Variants in ROR1 observed in about 807,000 individuals in gnomAD.
ROR1 encodes the protein inactive tyrosine-protein kinase transmembrane receptor ROR1.
ROR1 carries 19 observed loss-of-function variants against 78.8 expected under a neutral mutation model. The ratio of observed to expected loss-of-function variants is 0.24; its 90% CI spans 0.17 to 0.35. The LOEUF (loss-of-function observed/expected upper bound fraction) is 0.35. Among genes scored for constraint, ROR1 ranks in the 10% least tolerant of loss-of-function variants. The pLI, the probability that ROR1 is intolerant of heterozygous loss-of-function variation, is 1.00. For missense variants in ROR1, 917 were observed against 1,177.8 expected, an observed-to-expected ratio of 0.78 and a Z score of 3.24; for synonymous variants, 386 against 433.6, an observed-to-expected ratio of 0.89 and a Z score of 1.36.
At chr1:63,784,239 G>A (rs560108572) in intron 1 of ROR1, among the ~76,000 whole-genome samples, 6 of 152,110 alleles carry the variant, frequency 3.9e-5, no homozygotes, top group Non-Finnish European at 5.9e-5. Context: ...AAAGTAGGCA[G>A]GTGAGTTTGG....
chr1:63,971,005 C>T lies in ROR1; in HGVS notation c.92-38300C>T, dbSNP rs934049892. On this transcript the variant is annotated intron_variant, in intron 1 of 8. Coordinates refer to ENST00000371079, the MANE Select transcript of ROR1 (RefSeq NM_005012.4). ...CTGGCTAATAAGGCATTTGCAATTG[C>T]AGGGCTTCCTCTCACTCAGACAGTA... Among the ~76,000 whole-genome samples the T allele has an allele frequency of 6.6e-5, 10 of 152,320 alleles. No individual in the cohort carries two copies. In the East Asian group the frequency reaches 1.7e-3, roughly 26 times the overall value.
At chr1:64,170,057 G>C (rs961611741) in intron 8 of ROR1, among the ~76,000 whole-genome samples, 3 of 152,214 alleles carry the variant, frequency 2.0e-5, no homozygotes, top group Non-Finnish European at 4.4e-5. Context: ...AGTGCAAGCT[G>C]TTGGTGGGTC....
At chr1:63,807,317 T>TG (rs1644836111) in intron 1 of ROR1, among the ~76,000 whole-genome samples, 1 of 152,194 alleles carries the variant, frequency 6.6e-6, no homozygotes, top group South Asian at 2.1e-4. Flanking sequence ...GTTCAGTGCC[T>TG]GTCTCTCTGG....
intron 1 of ROR1, among the ~76,000 whole-genome samples, chr1:63,818,778 A>C (rs1315802660): frequency 1.3e-5 from 2 of 152,214 alleles, no homozygotes; most frequent in African/African-American, 2.4e-5. Flanking sequence ...TCTATGCACC[A>C]GGCATGATGC....
chr1:64,039,825 C>T (rs1646732492), intron 2 of ROR1, among the ~76,000 whole-genome samples: 1 of 152,166 alleles, frequency 6.6e-6, no homozygotes, highest in South Asian at 2.1e-4. Flanking sequence ...TACGTGGACC[C>T]ACTCATCCTG....
At chr1:64,062,208 C>A (rs1216952275) in intron 4 of ROR1, among the ~76,000 whole-genome samples, 4 of 152,144 alleles carry the variant, frequency 2.6e-5, no homozygotes, top group African/African-American at 9.7e-5. Flanking sequence ...GGGTGACTGC[C>A]TGTGTTTTGA....
At chr1:64,061,760 T>A (rs1242335552) in intron 4 of ROR1, among the ~76,000 whole-genome samples, 1 of 152,212 alleles carries the variant, frequency 6.6e-6, no homozygotes, top group African/African-American at 2.4e-5. Context: ...CAAGTTTCTT[T>A]ATTTGCAAAG....
intron 1 of ROR1, among the ~76,000 whole-genome samples, chr1:63,941,832 A>G (rs1212320611): frequency 6.6e-6 from 1 of 152,198 alleles, no homozygotes; most frequent in African/African-American, 2.4e-5. Flanking sequence ...GCTAGCCTTA[A>G]AAAGTAATAA....
chr1:63,800,239 T>C (rs1644787511), intron 1 of ROR1, among the ~76,000 whole-genome samples: 1 of 152,240 alleles, frequency 6.6e-6, no homozygotes, highest in African/African-American at 2.4e-5. Flanking sequence ...TAAGATATTC[T>C]GATGACAATG....
chr1:64,003,561 A>G (rs1189296688), intron 1 of ROR1, among the ~76,000 whole-genome samples: 1 of 152,196 alleles, frequency 6.6e-6, no homozygotes, highest in Non-Finnish European at 1.5e-5. Flanking sequence ...TATAGGATGA[A>G]GAAAACTCCA....
At chr1:63,804,409 A>G (rs1021773579) in intron 1 of ROR1, among the ~76,000 whole-genome samples, 2 of 152,200 alleles carry the variant, frequency 1.3e-5, no homozygotes, top group African/African-American at 4.8e-5. Flanking sequence ...GATGACGGGT[A>G]TGTGAGACCT....
chr1:63,938,811 C>T (rs1003757043), intron 1 of ROR1, among the ~76,000 whole-genome samples: 1 of 152,100 alleles, frequency 6.6e-6, no homozygotes, highest in Non-Finnish European at 1.5e-5. Context: ...CCCTGAACAA[C>T]ATAGGGAGAC....
chr1:63,827,560 T>C (rs551244620), intron 1 of ROR1, among the ~76,000 whole-genome samples: 1 of 152,332 alleles, frequency 6.6e-6, no homozygotes, highest in Admixed American at 6.5e-5. Context: ...GGAAGCATTC[T>C]GCTTGGCCTC....
intron 8 of ROR1, among the ~76,000 whole-genome samples, chr1:64,161,577 C>A (rs957199767): frequency 2.0e-5 from 3 of 151,960 alleles, no homozygotes; most frequent in African/African-American, 7.3e-5. Flanking sequence ...CCTTCATGGT[C>A]AGAGACAAAT....
At chr1:63,960,873 G>A (rs915652829) in intron 1 of ROR1, among the ~76,000 whole-genome samples, 1 of 152,194 alleles carries the variant, frequency 6.6e-6, no homozygotes, top group Non-Finnish European at 1.5e-5. Flanking sequence ...GAGAGTAAGT[G>A]TAGAAGTGGT....
chr1:63,849,264 A>G (rs1645099629), intron 1 of ROR1, among the ~76,000 whole-genome samples: 1 of 152,246 alleles, frequency 6.6e-6, no homozygotes, highest in South Asian at 2.1e-4. Flanking sequence ...AAAGGCATGT[A>G]TAACAACCCA....
At chr1:63,787,833 C>T (rs1644701353) in intron 1 of ROR1, among the ~76,000 whole-genome samples, 1 of 152,208 alleles carries the variant, frequency 6.6e-6, no homozygotes, top group African/African-American at 2.4e-5. Context: ...GCCTATCGCC[C>T]TGATTTCAAT....
At chr1:64,145,090 A>G (rs143099376) in intron 7 of ROR1, among the ~76,000 whole-genome samples, 384 of 152,366 alleles carry the variant, frequency 2.5e-3, no homozygotes, top group African/African-American at 8.8e-3. Context: ...TAGTCAATAT[A>G]TAAAGATAAA....
At chr1:63,996,253 A>G (rs548757947) in intron 1 of ROR1, among the ~76,000 whole-genome samples, 1 of 152,318 alleles carries the variant, frequency 6.6e-6, no homozygotes, top group East Asian at 1.9e-4. Flanking sequence ...AGTGGAACAG[A>G]TAAAATACTG....
Sources: gnomAD v4.1 joint callset for allele counts (sites outside exome capture counted in the v4.1 genomes callset) on GRCh38, gnomAD v4.1.1 for gene constraint, MANE v1.5 for transcripts, NCBI Gene and HGNC (gene_info 2026-07-23, HGNC 2026-07-21) for gene names.